FGGY: variants seen among roughly 807,000 people sequenced by gnomAD.
FGGY encodes the protein FGGY carbohydrate kinase domain-containing protein.
In FGGY, 72 loss-of-function variants were observed where a neutral mutation model predicts 71.3. That is an observed-to-expected ratio of 1.01 (90% CI 0.84 to 1.23). The LOEUF is 1.23. FGGY is among the 50% of genes most tolerant of loss of function. The pLI, the probability that FGGY is intolerant of heterozygous loss-of-function variation, is 0.00. For missense variants in FGGY, 668 were observed against 682.3 expected, an observed-to-expected ratio of 0.98 and a Z score of 0.23; for synonymous variants, 251 against 250.3, an observed-to-expected ratio of 1.00 and a Z score of -0.02.
chr1:59,415,952 C>T (rs1049210611), intron 5 of FGGY, among the ~76,000 whole-genome samples: 2 of 152,188 alleles, frequency 1.3e-5, no homozygotes, highest in Non-Finnish European at 2.9e-5. Flanking sequence ...CCTTATTGAA[C>T]CAACTATACC....
chr1:59,553,643 G>A (rs1229092807), intron 7 of FGGY, among the ~76,000 whole-genome samples: 1 of 152,216 alleles, frequency 6.6e-6, no homozygotes, highest in Non-Finnish European at 1.5e-5. Context: ...CTTTGGGACT[G>A]AGATGTGATG....
At chr1:59,561,971 C>T (rs537277559) in intron 8 of FGGY, among the ~76,000 whole-genome samples, 1 of 150,556 alleles carries the variant, frequency 6.6e-6, no homozygotes, top group African/African-American at 2.5e-5. Flanking sequence ...ATTAAAACCA[C>T]AGTAAGATTC....
At chr1:59,713,270 C>T (rs2097813141) in intron 14 of FGGY, among the ~76,000 whole-genome samples, 1 of 152,192 alleles carries the variant, frequency 6.6e-6, no homozygotes, top group Non-Finnish European at 1.5e-5. Context: ...CAACAAGTCT[C>T]TAGGAAGTTC....
rs529665397 is a variant in FGGY at position 59,377,590 on chromosome 1, A to G, written c.466-1159A>G. Among the ~76,000 whole-genome samples the G allele has an allele frequency of 3.3e-5, 5 of 152,258 alleles. No homozygotes were observed. The East Asian group carries it at 7.7e-4, about 24-fold the overall frequency. ...GAACTACGATTCAAGATGAGATTTG[A>G]GTGAAGACACAGCCAAACCATATCA... On this transcript the variant is annotated intron_variant, in intron 4 of 15. Coordinates refer to ENST00000303721, the MANE Select transcript of FGGY (RefSeq NM_018291.5).
intron 8 of FGGY, among the ~76,000 whole-genome samples, chr1:59,556,092 G>T (rs2095681482): frequency 6.6e-6 from 1 of 152,202 alleles, no homozygotes; most frequent in African/African-American, 2.4e-5. Context: ...ATCTGCAGAG[G>T]CCTGAGGCCT....
intron 5 of FGGY, among the ~76,000 whole-genome samples, chr1:59,382,479 C>G (rs750774957): frequency 2.6e-5 from 4 of 152,146 alleles, no homozygotes; most frequent in Admixed American, 1.3e-4. Flanking sequence ...CAGGAGGTCC[C>G]TGGAGGAGTG....
intron 11 of FGGY, among the ~76,000 whole-genome samples, chr1:59,652,622 C>T (rs964698347): frequency 7.0e-6 from 1 of 142,164 alleles, no homozygotes; most frequent in African/African-American, 2.8e-5. Context: ...TTAAGCACTT[C>T]TCTGTATTGG....
At chr1:59,373,234 A>G (rs1394097264) in intron 4 of FGGY, among the ~76,000 whole-genome samples, 7 of 152,254 alleles carry the variant, frequency 4.6e-5, no homozygotes, top group South Asian at 2.1e-4. Context: ...AAATCAATGT[A>G]CAAAAATCAC....
chr1:59,564,439 A>G (rs1378366549), intron 8 of FGGY, among the ~76,000 whole-genome samples: 2 of 152,224 alleles, frequency 1.3e-5, no homozygotes, highest in East Asian at 1.9e-4. Context: ...CAGCTTCCTC[A>G]GAACACCAAA....
At chr1:59,402,084 G>A (rs749888731) in intron 5 of FGGY, among the ~76,000 whole-genome samples, 1 of 152,222 alleles carries the variant, frequency 6.6e-6, no homozygotes, top group Non-Finnish European at 1.5e-5. Flanking sequence ...TCATCACTTA[G>A]TGCAGGAAGT....
chr1:59,529,294 G>A (rs561085451), intron 7 of FGGY, among the ~76,000 whole-genome samples: 4 of 152,246 alleles, frequency 2.6e-5, no homozygotes, highest in Non-Finnish European at 5.9e-5. Context: ...ATTTATTGAG[G>A]GACCTTCCTG....
intron 5 of FGGY, among the ~76,000 whole-genome samples, chr1:59,400,345 C>A (rs992024790): frequency 6.6e-6 from 1 of 152,164 alleles, no homozygotes; most frequent in African/African-American, 2.4e-5. Flanking sequence ...TTAAAGAACA[C>A]CAGTGATTGC....
chr1:59,461,797 T>TTTTTA (rs1187706109), intron 6 of FGGY, among the ~76,000 whole-genome samples: 1 of 143,814 alleles, frequency 7.0e-6, no homozygotes, highest in Non-Finnish European at 1.5e-5. Flanking sequence ...TTTGTTTTGT[T>TTTTTA]TTTTATTTTA....
chr1:59,327,511 T>C (rs1466160229), intron 2 of FGGY, among the ~76,000 whole-genome samples: 3 of 152,194 alleles, frequency 2.0e-5, no homozygotes, highest in African/African-American at 7.2e-5. Flanking sequence ...CTTCCTCCAC[T>C]TAAGTCTTGA....
intron 12 of FGGY, among the ~76,000 whole-genome samples, chr1:59,664,414 G>T (rs1280039188): frequency 2.0e-5 from 3 of 152,226 alleles, no homozygotes; most frequent in Admixed American, 6.5e-5. Context: ...GTCTGTCACA[G>T]CCCCTCTCGA....
chr1:59,441,859 A>C (rs1246093951), intron 5 of FGGY, among the ~76,000 whole-genome samples: 1 of 152,180 alleles, frequency 6.6e-6, no homozygotes, highest in Non-Finnish European at 1.5e-5. Flanking sequence ...ATTCCATTTC[A>C]CATCTGGGGG....
chr1:59,536,861 C>A, intron 7 of FGGY, among the ~76,000 whole-genome samples: 1 of 152,030 alleles, frequency 6.6e-6, no homozygotes, highest in East Asian at 1.9e-4. Flanking sequence ...ATAATAAGAG[C>A]TATTTATGAC....
intron 4 of FGGY, among the ~76,000 whole-genome samples, chr1:59,359,655 T>TAG (rs2055027929): frequency 6.6e-6 from 1 of 152,192 alleles, no homozygotes; most frequent in Non-Finnish European, 1.5e-5. Context: ...CACTCTGGAT[T>TAG]CCTATAAAGG....
At chr1:59,465,962 A>C (rs547181140) in intron 6 of FGGY, among the ~76,000 whole-genome samples, 1 of 152,220 alleles carries the variant, frequency 6.6e-6, no homozygotes, top group Non-Finnish European at 1.5e-5. Flanking sequence ...TGCCATTCCC[A>C]TCAAGCTACC....
Sources: allele counts gnomAD v4.1 joint callset (sites outside exome capture counted in the v4.1 genomes callset), GRCh38; gene constraint gnomAD v4.1.1; transcripts MANE v1.5; gene names NCBI Gene and HGNC (gene_info 2026-07-23, HGNC 2026-07-21).